IMMP2L: variants seen among roughly 807,000 people sequenced by gnomAD.
The protein encoded by IMMP2L is inner mitochondrial membrane peptidase subunit 2, also known as mitochondrial inner membrane protease subunit 2.
In IMMP2L, 18 loss-of-function variants were observed where a neutral mutation model predicts 19.3. That is an observed-to-expected ratio of 0.93 (90% CI 0.64 to 1.38). The LOEUF is 1.38. IMMP2L is among the 40% of genes most tolerant of loss of function. The probability of loss-of-function intolerance (pLI) is 0.00; values close to 1 mark genes in which losing one functional copy is unlikely to be tolerated. For synonymous variants in IMMP2L, 76 were observed against 73.0 expected (o/e 1.04, Z -0.21); for missense variants, 233 against 218.2 (o/e 1.07, Z -0.43).
intron 3 of IMMP2L, among the ~76,000 whole-genome samples, chr7:111,398,252 A>G (rs1833066963): frequency 1.3e-5 from 2 of 152,170 alleles, no homozygotes; most frequent in African/African-American, 4.8e-5. Context: ...AACCTAATCC[A>G]ACAACATATC....
intron 2 of IMMP2L, among the ~76,000 whole-genome samples, chr7:111,508,876 G>A (rs1022823334): frequency 1.3e-5 from 2 of 152,136 alleles, no homozygotes; most frequent in African/African-American, 4.8e-5. Context: ...GGGCTTGGAA[G>A]GGGGGTTTCA....
At chr7:111,392,195 C>T (rs1832424137) in intron 3 of IMMP2L, among the ~76,000 whole-genome samples, 1 of 152,118 alleles carries the variant, frequency 6.6e-6, no homozygotes, top group Admixed American at 6.6e-5. Flanking sequence ...TTTAAGCACC[C>T]TTCCAATGGA....
chr7:111,278,376 C>T (rs906734269), intron 3 of IMMP2L, among the ~76,000 whole-genome samples: 1 of 152,132 alleles, frequency 6.6e-6, no homozygotes, highest in Non-Finnish European at 1.5e-5. Context: ...AGCCTGGGGG[C>T]TCCAGCCACT....
chr7:111,027,541 C>A (rs1184213384), intron 3 of IMMP2L, among the ~76,000 whole-genome samples: 3 of 151,642 alleles, frequency 2.0e-5, no homozygotes, highest in African/African-American at 7.3e-5. Flanking sequence ...CATTTTCTGT[C>A]ACTGGGACGG....
chr7:111,275,458 C>CT (rs1277105666), intron 3 of IMMP2L, among the ~76,000 whole-genome samples: 8 of 152,130 alleles, frequency 5.3e-5, no homozygotes, highest in African/African-American at 1.9e-4. Flanking sequence ...GTAATTCACA[C>CT]TCCAAAAACA....
chr7:110,769,937 A>T (rs186228048), intron 5 of IMMP2L, among the ~76,000 whole-genome samples: 1 of 152,078 alleles, frequency 6.6e-6, no homozygotes, highest in East Asian at 1.9e-4. Context: ...GAAAAAACCA[A>T]CGGGTTGACT....
chr7:111,314,981 C>T (rs1407163159), intron 3 of IMMP2L, among the ~76,000 whole-genome samples: 1 of 152,156 alleles, frequency 6.6e-6, no homozygotes, highest in Non-Finnish European at 1.5e-5. Context: ...ATTAGGAGAA[C>T]TAGAAGTTAA....
At chr7:111,130,724 T>C (rs1387980828) in intron 3 of IMMP2L, among the ~76,000 whole-genome samples, 1 of 152,042 alleles carries the variant, frequency 6.6e-6, no homozygotes, top group Non-Finnish European at 1.5e-5. Context: ...CCAACAGAGG[T>C]ATCATTATTA....
chr7:111,361,476 T>C (rs1392553836), intron 3 of IMMP2L, among the ~76,000 whole-genome samples: 1 of 152,170 alleles, frequency 6.6e-6, no homozygotes, highest in Non-Finnish European at 1.5e-5. Flanking sequence ...ATACTTTCTA[T>C]AGTAGCAGTT....
chr7:111,561,169 T>C (rs994608811), intron 1 of IMMP2L, among the ~76,000 whole-genome samples: 6 of 152,080 alleles, frequency 3.9e-5, no homozygotes, highest in Admixed American at 2.0e-4. Flanking sequence ...ACCAATGAAA[T>C]AGACCACACT....
At chr7:111,490,487 T>C (rs145208106) in intron 2 of IMMP2L, among the ~76,000 whole-genome samples, 79 of 152,122 alleles carry the variant, frequency 5.2e-4, no homozygotes, top group African/African-American at 1.8e-3. Flanking sequence ...GTTGTCTTCT[T>C]ACTTCTCATC....
At chr7:111,358,970 GTTCT>G (rs1309365814) in intron 3 of IMMP2L, among the ~76,000 whole-genome samples, 6 of 152,080 alleles carry the variant, frequency 3.9e-5, no homozygotes. Context: ...TTTCAGTTGT[GTTCT>G]TTCATGCACG....
intron 5 of IMMP2L, among the ~76,000 whole-genome samples, chr7:110,849,340 A>C (rs1349563517): frequency 2.0e-5 from 3 of 152,160 alleles, no homozygotes; most frequent in Non-Finnish European, 4.4e-5. Flanking sequence ...AAAACATAAA[A>C]TAATCGAGAG....
At chr7:111,253,357 C>T (rs1395481524) in intron 3 of IMMP2L, among the ~76,000 whole-genome samples, 1 of 152,088 alleles carries the variant, frequency 6.6e-6, no homozygotes, top group Admixed American at 6.6e-5. Context: ...ACTCAAGGAG[C>T]TGACATTTGG....
chr7:111,073,857 T>C (rs1279766237), intron 3 of IMMP2L, among the ~76,000 whole-genome samples: 1 of 152,204 alleles, frequency 6.6e-6, no homozygotes, highest in African/African-American at 2.4e-5. Context: ...TTATTAACCT[T>C]TGTCTTTGTT....
intron 3 of IMMP2L, among the ~76,000 whole-genome samples, chr7:111,164,940 T>C (rs1805662833): frequency 6.6e-6 from 1 of 152,102 alleles, no homozygotes; most frequent in Admixed American, 6.6e-5. Flanking sequence ...ACTATCTTAA[T>C]TATATTTAAG....
chr7:111,409,965 A>C (rs1272759257), intron 3 of IMMP2L, among the ~76,000 whole-genome samples: 38 of 151,790 alleles, frequency 2.5e-4, no homozygotes, highest in Non-Finnish European at 1.5e-5. Context: ...TCATGGTCCA[A>C]ATAAGTTGAG....
chr7:111,045,685 G>A (rs939063643), intron 3 of IMMP2L, among the ~76,000 whole-genome samples: 1 of 152,196 alleles, frequency 6.6e-6, no homozygotes, highest in Non-Finnish European at 1.5e-5. Context: ...ATGGAGCCAT[G>A]AGCCAAGGAT....
chr7:111,141,888 G>A (rs369884977), intron 3 of IMMP2L, among the ~76,000 whole-genome samples: 4 of 152,078 alleles, frequency 2.6e-5, no homozygotes, highest in African/African-American at 9.7e-5. Flanking sequence ...TGTTTTTGTA[G>A]AGACAGGGTC....
Sources: allele counts gnomAD v4.1 joint callset (sites outside exome capture counted in the v4.1 genomes callset), GRCh38; gene constraint gnomAD v4.1.1; transcripts MANE v1.5; gene names NCBI Gene and HGNC (gene_info 2026-07-23, HGNC 2026-07-21).